AKR1A1: variants seen among roughly 807,000 people sequenced by gnomAD.
AKR1A1 encodes HEL-S-165mP.
AKR1A1 carries 26 observed loss-of-function variants against 39.2 expected under a neutral mutation model. The observed-to-expected ratio is 0.66, with a 90% confidence interval of 0.49 to 0.92. The LOEUF (loss-of-function observed/expected upper bound fraction) is 0.92. Ranked by LOEUF, AKR1A1 falls within the 40% of genes least tolerant of loss-of-function variation. The pLI, the probability that AKR1A1 is intolerant of heterozygous loss-of-function variation, is 0.00. For missense variants in AKR1A1, 378 were observed against 406.5 expected (o/e 0.93, Z 0.60); for synonymous variants, 141 against 155.5 (o/e 0.91, Z 0.69).
intron 2 of AKR1A1, among the ~76,000 whole-genome samples, chr1:45,564,207 A>T (rs1644311225): frequency 6.6e-6 from 1 of 152,152 alleles, no homozygotes; most frequent in African/African-American, 2.4e-5. Context: ...TGCTTTAGGC[A>T]GGCACTTCTC....
rs200273924 is a variant in AKR1A1, at chr1:45,569,934, A to G, written c.956A>G (p.Tyr319Cys). 57 of 1,613,896 alleles carry G rather than the reference A, an allele frequency of 3.5e-5. No homozygotes were observed. Among genetic ancestry groups the G allele is most frequent in the Middle Eastern group, 1.6e-4 (1 of 6,082 alleles). The change falls in exon 9 of 9, where the codon TAC becomes TGC. Residue 319 changes from tyrosine to cysteine, a missense_variant. Physicochemically the swap from Tyr to Cys is radical, Grantham distance 194. Coordinates refer to ENST00000351829, the MANE Select transcript of AKR1A1 (RefSeq NM_153326.3). ...CCAAGGGATGCAGGGCATCCTCTGT[A>G]CCCCTTTAATGACCCGTACTGAGAC... The part of the protein sequence containing the change: ...RVPRDAGHPL[Y>C]PFNDPY
At chr1:45,553,123 T>G (rs1644153380) in intron 1 of AKR1A1, among the ~76,000 whole-genome samples, 2 of 150,468 alleles carry the variant, frequency 1.3e-5, no homozygotes, top group South Asian at 4.2e-4. Context: ...AGACTCTGTC[T>G]CAAAAAAAAA....
intron 1 of AKR1A1, among the ~76,000 whole-genome samples, 151 bp downstream of exon 1, chr1:45,551,306 C>T (rs1398500423): frequency 1.3e-5 from 2 of 152,004 alleles, no homozygotes; most frequent in African/African-American, 2.4e-5. Context: ...TTCTTTTTCT[C>T]TGTATGATCT....
intron 1 of AKR1A1, among the ~76,000 whole-genome samples, chr1:45,558,059 C>T (rs1485825308): frequency 6.6e-6 from 1 of 150,684 alleles, no homozygotes; most frequent in Non-Finnish European, 1.5e-5. Flanking sequence ...AAGGTGTGCA[C>T]CACCATGTCC....
chr1:45,568,397 T>G, intron 5 of AKR1A1, 88 bp from the exon 6 acceptor site: 1 of 1,431,966 alleles, frequency 7.0e-7, no homozygotes, highest in Non-Finnish European at 9.7e-7. Flanking sequence ...GAGTCAGCAA[T>G]AGGGGGTGGT....
intron 1 of AKR1A1, among the ~76,000 whole-genome samples, chr1:45,559,868 C>T (rs371835001): frequency 3.3e-5 from 5 of 151,866 alleles, no homozygotes; most frequent in Admixed American, 6.6e-5. Context: ...GGGCTGGTCT[C>T]GATCTCTTGA....
In AKR1A1 at chr1:45,568,024, A is replaced by G; in HGVS notation, c.399A>G (p.Ile133Met). The G allele has an allele frequency of 6.2e-7, 1 of 1,613,910 alleles. No homozygotes were observed. Among genetic ancestry groups the G allele is most frequent in the Non-Finnish European group, 8.5e-7 (1 of 1,179,970 alleles). Residue 133 changes from isoleucine to methionine, a missense_variant, in exon 5 of 9, where the codon ATA becomes ATG. Physicochemically the swap from Ile to Met is conservative, Grantham distance 10 (BLOSUM62 1). Transcript: ENST00000351829. ...NPFPKNADGT[I>M]CYDSTHYKET... is the part of the protein sequence containing the mutation. ...TCCCCAAGAATGCTGATGGGACTATATGCTACGACTCCACCCACTACAAGG... is the reference window on the plus strand; with the variant it reads ...TCCCCAAGAATGCTGATGGGACTATGTGCTACGACTCCACCCACTACAAGG...
At chr1:45,568,375 A>G in intron 5 of AKR1A1, 110 bp from the exon 6 acceptor site, 1 of 1,309,066 alleles carries the variant, frequency 7.6e-7, no homozygotes, top group Non-Finnish European at 1.1e-6. Context: ...AGCAGGCTGA[A>G]GGGGAGTGGA....
chr1:45,561,040 G>C (rs1044290845), intron 1 of AKR1A1, among the ~76,000 whole-genome samples: 18 of 152,210 alleles, frequency 1.2e-4, no homozygotes, highest in African/African-American at 4.3e-4. Context: ...AATCTCTGTA[G>C]TTCTGACAAC....
rs1364837044 is a variant in AKR1A1, at chr1:45,568,974, C to G, written c.800C>G (p.Pro267Arg). 1 of 1,614,194 alleles carries G rather than the reference C, an allele frequency of 6.2e-7. No individual in the cohort carries two copies. The highest frequency in any genetic ancestry group is 8.5e-7 in the Non-Finnish European group (1 of 1,180,036). ...ATCTGCATCCCCAAAAGTATCACTC[C>G]TTCTCGAATCCTTCAGAACATCAAG... ...KVICIPKSIT[P>R]SRILQNIKVF... is the part of the protein sequence containing the mutation. The change falls in exon 7 of 9, where the codon CCT (proline) becomes CGT (arginine). Residue 267 changes from proline (P) to arginine (R), a missense_variant. Transcript: ENST00000351829.
At position 45,555,771 on chromosome 1, in the gene AKR1A1, C is replaced by T. The variant is rs376787262; in HGVS notation, c.-7+4616C>T. ...TAGATATAGTATCTCTTGAAAATATCAGAACTGAGATTCAAACCCAGGTCT... is the reference window on the plus strand; with the variant it reads ...TAGATATAGTATCTCTTGAAAATATTAGAACTGAGATTCAAACCCAGGTCT... On this transcript the variant is annotated intron_variant, in intron 1 of 8. Coordinates refer to ENST00000351829, the MANE Select transcript of AKR1A1 (RefSeq NM_153326.3). Among the ~76,000 whole-genome samples, 12 of 152,256 alleles carry T rather than the reference C, an allele frequency of 7.9e-5. No homozygotes were observed. The East Asian group carries it at 9.6e-4, about 12-fold the overall frequency.
intron 1 of AKR1A1, among the ~76,000 whole-genome samples, chr1:45,551,972 G>C (rs1233729862): frequency 6.8e-6 from 1 of 146,384 alleles, no homozygotes; most frequent in Non-Finnish European, 1.5e-5. Flanking sequence ...TGTGTGTATT[G>C]TGTACATTGT....
At position 45,565,294 on chromosome 1, in the gene AKR1A1, C is replaced by G. The variant is rs780958; in HGVS notation, c.85-1275C>G. 1.3e-3 allele frequency among the ~76,000 whole-genome samples: 193 copies of G among 151,674 alleles called. 9 individuals carry two copies. The highest frequency in any genetic ancestry group is 4.5e-3 in the African/African-American group (187 of 41,354). ...TATAGGCATGCACCACCACGCCCAG[C>G]TAATTTTGTATTTTTAGTAGAGACG... On this transcript the variant is annotated intron_variant, in intron 2 of 8. Transcript: ENST00000351829.
In AKR1A1 at chr1:45,566,866, T is replaced by C. The variant is rs1221974277; in HGVS notation, c.205-3T>C. On this transcript the variant is annotated splice_polypyrimidine_tract_variant and splice_region_variant and intron_variant, in intron 3 of 8. Coordinates refer to ENST00000351829, the MANE Select transcript of AKR1A1 (RefSeq NM_153326.3). ...TCACTGTGGGCCCTGCCCCCTGCAC[T>C]AGGCGGTGCCTCGGGAGGAGCTGTT... 2 of 1,613,788 alleles carry C rather than the reference T, an allele frequency of 1.2e-6. No individual in the cohort carries two copies. The highest frequency in any genetic ancestry group is 1.7e-6 in the Non-Finnish European group (2 of 1,179,824).
chr1:45,557,249 A>G (rs143786893), intron 1 of AKR1A1, among the ~76,000 whole-genome samples: 1 of 152,062 alleles, frequency 6.6e-6, no homozygotes, highest in Non-Finnish European at 1.5e-5. Flanking sequence ...AAAGGTCCAG[A>G]TAGGCAGTTC....
intron 1 of AKR1A1, among the ~76,000 whole-genome samples, chr1:45,557,351 G>A (rs927814442): frequency 2.0e-5 from 3 of 151,898 alleles, no homozygotes; most frequent in Admixed American, 6.6e-5. Context: ...AGAGCTGGCC[G>A]AGGATGATTT....
At chr1:45,559,043 AT>A (rs1376733416) in intron 1 of AKR1A1, among the ~76,000 whole-genome samples, 2 of 152,156 alleles carry the variant, frequency 1.3e-5, no homozygotes, top group Admixed American at 1.3e-4. Flanking sequence ...CTGTTCAGTT[AT>A]TCTTTAGGAC....
chr1:45,567,234 G>A, intron 4 of AKR1A1: 1 of 614,678 alleles, frequency 1.6e-6, no homozygotes, highest in Non-Finnish European at 2.7e-6. Context: ...GTCTCACATG[G>A]TGTGTACCCC....
At chr1:45,567,824 C>CT in intron 4 of AKR1A1, 158 bp from the exon 5 acceptor site, 1 of 641,576 alleles carries the variant, frequency 1.6e-6, no homozygotes, top group Non-Finnish European at 2.5e-6. Flanking sequence ...GAGACTCCAT[C>CT]TCAAAAAAAA....
Sources: allele counts gnomAD v4.1 joint callset (sites outside exome capture counted in the v4.1 genomes callset), GRCh38; gene constraint gnomAD v4.1.1; transcripts MANE v1.5; gene names NCBI Gene and HGNC (gene_info 2026-07-23, HGNC 2026-07-21).